Variants in RAB11B observed in about 807,000 individuals in gnomAD.
RAB11B encodes RAB11B, member RAS oncogene family.
Under a neutral mutation model 23.7 loss-of-function variants are expected in RAB11B, and 7 were observed. That is an observed-to-expected ratio of 0.29 (90% CI 0.17 to 0.55). RAB11B has a LOEUF of 0.55. RAB11B is among the 20% of genes least tolerant of loss of function. The pLI is 0.93. For missense variants in RAB11B, 189 were observed against 320.0 expected, an observed-to-expected ratio of 0.59 and a Z score of 3.12; for synonymous variants, 138 against 132.0, an observed-to-expected ratio of 1.05 and a Z score of -0.31.
chr19:8,390,606 G>A (rs1219972977), intron 1 of RAB11B, 150 bp downstream of exon 1: 3 of 815,054 alleles, frequency 3.7e-6, no homozygotes, highest in African/African-American at 1.8e-5. Context: ...GGAGCCGACC[G>A]GGCAGCATCA....
chr19:8,395,039 G>A (rs1971385838), intron 1 of RAB11B, among the ~76,000 whole-genome samples: 1 of 152,254 alleles, frequency 6.6e-6, no homozygotes, highest in African/African-American at 2.4e-5. Context: ...GGCAGGGCCC[G>A]AGTTTCCTGT....
At chr19:8,402,017 G>A in intron 2 of RAB11B, 69 bp from the exon 3 acceptor site, 1 of 1,464,874 alleles carries the variant, frequency 6.8e-7, no homozygotes, top group Admixed American at 2.2e-5. Flanking sequence ...GATGTGTGCT[G>A]TTATCCCGTG....
At chr19:8,401,708 G>A (rs1971438970) in intron 2 of RAB11B, among the ~76,000 whole-genome samples, 1 of 151,834 alleles carries the variant, frequency 6.6e-6, no homozygotes, top group Non-Finnish European at 1.5e-5. Context: ...TTCTAGTAGA[G>A]ATGGGGTATC....
intron 3 of RAB11B, 24 bp from the exon 4 acceptor site, chr19:8,402,461 C>T: frequency 6.2e-7 from 1 of 1,607,038 alleles, no homozygotes; most frequent in South Asian, 1.1e-5. Flanking sequence ...TCCCCACTCA[C>T]CTAGGCAGTA....
At chr19:8,398,850 CGGCTCACTGCAGCCTCCACCTCCTG>C (rs1297439226) in intron 1 of RAB11B, among the ~76,000 whole-genome samples, 3 of 152,076 alleles carry the variant, frequency 2.0e-5, no homozygotes, top group African/African-American at 7.2e-5. Context: ...GATTCGATCT[CGGCTCACTGCAGCCTCCACCTCCTG>C]GGCTCAAGCG....
At position 8,393,228 on chromosome 19, in the gene RAB11B, C is replaced by T. The variant is rs540975407; in HGVS notation, c.40+2772C>T. On this transcript the variant is annotated intron_variant, in intron 1 of 4. Transcript: ENST00000328024. The stretch of plus-strand genomic sequence containing the variant: ...ATTTTCATAGCCTGCCACTAATTGC[C>T]GTGGGACCCCAGATTTCTTTTCTGA... Among the ~76,000 whole-genome samples the T allele has an allele frequency of 6.4e-4, 97 of 152,326 alleles. 1 individual carries two copies. The highest frequency in any genetic ancestry group is 2.1e-3 in the African/African-American group (87 of 41,576).
rs376742019 is a variant in RAB11B at position 8,402,053 on chromosome 19, T to A, written c.237-33T>A. 39 of 1,539,498 alleles carry A rather than the reference T, an allele frequency of 2.5e-5. No individual in the cohort carries two copies. In the African/African-American group the frequency reaches 3.1e-4, roughly 12 times the overall value. On this transcript the variant is annotated intron_variant, in intron 2 of 4. Coordinates refer to ENST00000328024, the MANE Select transcript of RAB11B (RefSeq NM_004218.4). ...AGGCTGCCGCTGCCCATGGTTGTCC[T>A]CCAGAGAGGCTCATGGGCCCCTGAC... is the stretch of plus-strand genomic sequence containing the variant.
chr19:8,400,092 A>AT (rs1971425925), intron 2 of RAB11B, 34 bp downstream of exon 2: 1 of 1,599,454 alleles, frequency 6.3e-7, no homozygotes, highest in Admixed American at 1.7e-5. Flanking sequence ...GGACGCTGAG[A>AT]TTCGGGGGCG....
rs368251497 is a variant in RAB11B at position 8,400,096 on chromosome 19, G to A, written c.236+38G>A. ...AGCCTGGGCAGGGACGCTGAGATTCGGGGGCGTGGGCTTGCAGCGCGTGGG... is the reference window on the plus strand; with the variant it reads ...AGCCTGGGCAGGGACGCTGAGATTCAGGGGCGTGGGCTTGCAGCGCGTGGG... On this transcript the variant is annotated intron_variant, in intron 2 of 4. Coordinates refer to ENST00000328024, the MANE Select transcript of RAB11B (RefSeq NM_004218.4). 129 of 1,597,632 alleles carry A rather than the reference G, an allele frequency of 8.1e-5. 1 individual carries two copies. The highest frequency in any genetic ancestry group is 3.7e-4 in the Middle Eastern group (2 of 5,464).
chr19:8,390,725 C>T (rs1278906488), intron 1 of RAB11B: 8 of 269,136 alleles, frequency 3.0e-5, no homozygotes, highest in Non-Finnish European at 4.0e-5. Context: ...GGGCCCGGAG[C>T]GGTGGGAGAG....
Position 8,396,714 on chromosome 19 carries a change from G to T in RAB11B, c.41-3149G>T, listed in dbSNP as rs141847052. 6.8e-6 allele frequency among the ~76,000 whole-genome samples: 1 copy of T among 146,652 alleles called. No individual in the cohort carries two copies. Among genetic ancestry groups the T allele is most frequent in the Non-Finnish European group, 1.5e-5 (1 of 66,582 alleles). ...GTGGCTGGAGCAGAGTGAGCCGGGGGGGGGGCGGGAGGGAGGAGGGGAGGG... is the reference window on the plus strand; with the variant it reads ...GTGGCTGGAGCAGAGTGAGCCGGGGTGGGGGCGGGAGGGAGGAGGGGAGGG... On this transcript the variant is annotated intron_variant, in intron 1 of 4. Coordinates refer to ENST00000328024, the MANE Select transcript of RAB11B (RefSeq NM_004218.4). The surrounding 1 kb of genome is among the most constrained non-coding windows in gnomAD (Gnocchi z 5.0).
At chr19:8,398,288 G>C (rs1005143708) in intron 1 of RAB11B, among the ~76,000 whole-genome samples, 1 of 152,216 alleles carries the variant, frequency 6.6e-6, no homozygotes, top group Non-Finnish European at 1.5e-5. Flanking sequence ...CCGTCCCTGG[G>C]TGCTGTTGCC....
chr19:8,398,955 TA>T (rs1363495377), intron 1 of RAB11B, among the ~76,000 whole-genome samples: 1 of 119,848 alleles, frequency 8.3e-6, no homozygotes, highest in Non-Finnish European at 1.9e-5. Flanking sequence ...TTATTATTAT[TA>T]TTATTTTTTT....
intron 3 of RAB11B, 80 bp from the exon 4 acceptor site, chr19:8,402,405 G>C: frequency 6.4e-7 from 1 of 1,556,458 alleles, no homozygotes; most frequent in Non-Finnish European, 8.8e-7. Flanking sequence ...TGGGCCAGGT[G>C]GGTGGGCGGG....
intron 2 of RAB11B, among the ~76,000 whole-genome samples, chr19:8,401,605 T>C (rs1171891877): frequency 1.3e-5 from 2 of 152,104 alleles, no homozygotes; most frequent in Middle Eastern, 3.4e-3. Context: ...CAGGCTGATC[T>C]TGAATTCCTG....
intron 1 of RAB11B, among the ~76,000 whole-genome samples, chr19:8,395,815 G>A (rs150824475): frequency 6.6e-6 from 1 of 152,304 alleles, no homozygotes; most frequent in African/African-American, 2.4e-5. Flanking sequence ...GCAGAACCAC[G>A]ACTCCCGAGC....
At position 8,396,632 on chromosome 19, in the gene RAB11B, A is replaced by G. The variant is rs1339298145; in HGVS notation, c.41-3231A>G. ...TTCTGGCAGCAGGAGCAACCCGTGC[A>G]AAGGCCCTGAGGCAGGATCGCACCT... On this transcript the variant is annotated intron_variant, in intron 1 of 4. Transcript: ENST00000328024. This position sits in a 1 kb window ranked among gnomAD's most constrained non-coding sequence, Gnocchi z 5.0. Among the ~76,000 whole-genome samples, 5 of 151,290 alleles carry G rather than the reference A, an allele frequency of 3.3e-5. No individual in the cohort carries two copies. Among genetic ancestry groups the G allele is most frequent in the Non-Finnish European group, 7.4e-5 (5 of 67,842 alleles).
intron 4 of RAB11B, among the ~76,000 whole-genome samples, chr19:8,403,126 C>T (rs562304092): frequency 3.8e-4 from 58 of 152,338 alleles, no homozygotes; most frequent in African/African-American, 9.9e-4. Context: ...TAACTCTTGG[C>T]GCTGCGGGGA....
chr19:8,400,500 A>AT (rs1225389256), intron 2 of RAB11B, among the ~76,000 whole-genome samples: 8 of 151,676 alleles, frequency 5.3e-5, no homozygotes, highest in Admixed American at 4.6e-4. Context: ...CAAGCCCCCC[A>AT]GCCATTCCCA....
Sources: allele counts gnomAD v4.1 joint callset (sites outside exome capture counted in the v4.1 genomes callset), GRCh38; gene constraint gnomAD v4.1.1; non-coding constraint Gnocchi (gnomAD v3.1); transcripts MANE v1.5; gene names NCBI Gene and HGNC (gene_info 2026-07-23, HGNC 2026-07-21).